DCHS2: variants seen among roughly 807,000 people sequenced by gnomAD.
DCHS2 encodes dachsous cadherin-related 2.
Under a neutral mutation model 182.4 loss-of-function variants are expected in DCHS2, and 142 were observed. The observed-to-expected ratio is 0.78, with a 90% CI of 0.68 to 0.89. The LOEUF (loss-of-function observed/expected upper bound fraction) is 0.89. Among genes scored for constraint, DCHS2 ranks in the 40% least tolerant of loss-of-function variants. The pLI is 0.00. For missense variants in DCHS2, 4,319 were observed against 4,198.6 expected (o/e 1.03, Z -0.79); for synonymous variants, 1,740 against 1,663.3 (o/e 1.05, Z -1.12).
At position 154,491,532 on chromosome 4, in the gene DCHS2, T is replaced by C. The variant is rs376501718; in HGVS notation, c.-177A>G. The C allele has an allele frequency of 7.0e-4, 978 of 1,393,704 alleles. 14 individuals are homozygous for C. In the South Asian group the frequency reaches 0.011, roughly 15 times the overall value. The allele number at this position is 1,393,704 out of a possible 1,614,324, so 86.3% of individuals were successfully genotyped here. On this transcript the variant is annotated 5_prime_UTR_variant, in exon 1 of 20. Transcript: ENST00000357232. ...ATCTGCAACTGGTGAAAGCGTCCTC[T>C]GCCTGCAGCTCACGCAGACAGGGAA...
At chr4:154,354,219 C>G (rs1398379500) in intron 3 of DCHS2, among the ~76,000 whole-genome samples, 1 of 152,214 alleles carries the variant, frequency 6.6e-6, no homozygotes, top group East Asian at 1.9e-4. Flanking sequence ...AGCCACTGCA[C>G]CCGGCTTGAA....
chr4:154,238,464 T>G (rs1578838510), intron 19 of DCHS2, among the ~76,000 whole-genome samples: 1 of 152,302 alleles, frequency 6.6e-6, no homozygotes, highest in East Asian at 1.9e-4. Flanking sequence ...GGGACATTGT[T>G]TTGCTACTTA....
intron 15 of DCHS2, among the ~76,000 whole-genome samples, chr4:154,258,099 AG>A (rs556934276): frequency 9.5e-4 from 145 of 152,206 alleles, no homozygotes; most frequent in Non-Finnish European, 1.6e-3. Context: ...AGACTGGAAA[AG>A]TGAATGTTCT....
At chr4:154,390,416 A>C (rs1181562577) in intron 1 of DCHS2, among the ~76,000 whole-genome samples, 1 of 151,920 alleles carries the variant, frequency 6.6e-6, no homozygotes, top group Non-Finnish European at 1.5e-5. Flanking sequence ...CTGTGGCCAA[A>C]GAATACATGG....
chr4:154,397,147 T>G (rs1731964729), intron 1 of DCHS2, among the ~76,000 whole-genome samples: 1 of 152,178 alleles, frequency 6.6e-6, no homozygotes, highest in Non-Finnish European at 1.5e-5. Flanking sequence ...AATCTAATTA[T>G]ACTAATTCTA....
chr4:154,398,103 T>A (rs1430307039), intron 1 of DCHS2, among the ~76,000 whole-genome samples: 1 of 152,230 alleles, frequency 6.6e-6, no homozygotes. Context: ...AAAAATCCCA[T>A]CTGGTACATG....
intron 1 of DCHS2, among the ~76,000 whole-genome samples, chr4:154,444,279 G>A (rs192663938): frequency 1.7e-4 from 26 of 152,172 alleles, no homozygotes; most frequent in African/African-American, 6.0e-4. Flanking sequence ...ATCCAACAAT[G>A]TATGCCTAGC....
Position 154,236,585 on chromosome 4 carries a change from T to A in DCHS2, c.8067A>T (p.Ala2689=). 1 of 1,614,068 alleles carries A rather than the reference T, an allele frequency of 6.2e-7. No homozygotes were observed. Among genetic ancestry groups the A allele is most frequent in the Admixed American group, 1.7e-5 (1 of 60,006 alleles). ...PLGSHITVVS[A]NDRDTGSHAE... ...CATGTGACCCTGTGTCACGGTCATT[T>A]GCTGAGACCACAGTGATGTGACTCC... Residue 2689 remains alanine, a synonymous_variant, in exon 20 of 20, where the codon GCA becomes GCT. Coordinates refer to ENST00000357232, the MANE Select transcript of DCHS2 (RefSeq NM_001358235.2).
chr4:154,486,906 C>T (rs967086875), intron 1 of DCHS2, among the ~76,000 whole-genome samples: 5 of 152,158 alleles, frequency 3.3e-5, no homozygotes, highest in African/African-American at 1.2e-4. Context: ...CAATACTTGG[C>T]AACCTGGAAA....
intron 1 of DCHS2, chr4:154,486,457 GT>G (rs1474489157): frequency 2.3e-6 from 3 of 1,304,322 alleles, no homozygotes; most frequent in Non-Finnish European, 3.0e-6. Flanking sequence ...GCAAGATTTT[GT>G]TTTTCCTGTA....
At chr4:154,316,889 C>T (rs1476615694) in intron 9 of DCHS2, among the ~76,000 whole-genome samples, 1 of 152,190 alleles carries the variant, frequency 6.6e-6, no homozygotes, top group East Asian at 1.9e-4. Context: ...CCACATAAGT[C>T]AGATGTAATA....
intron 1 of DCHS2, among the ~76,000 whole-genome samples, chr4:154,397,859 A>T (rs1424651913): frequency 6.6e-6 from 1 of 152,164 alleles, no homozygotes; most frequent in Non-Finnish European, 1.5e-5. Flanking sequence ...TCTTCCTCTC[A>T]TTCCCCCAAA....
intron 1 of DCHS2, among the ~76,000 whole-genome samples, chr4:154,383,782 G>A (rs893224363): frequency 1.3e-5 from 2 of 151,330 alleles, no homozygotes; most frequent in Non-Finnish European, 2.9e-5. Context: ...TAATTCCTCT[G>A]TCTACTCCTA....
chr4:154,231,928 A>T lies in DCHS2; in HGVS notation c.*2608T>A, dbSNP rs759630290. On this transcript the variant is annotated 3_prime_UTR_variant, in exon 20 of 20. Transcript: ENST00000357232. ...AGGAATCTGTTTTGGAAGCCAATTC[A>T]ATGATTACTACTAGGACATGGAATT... The T allele has an allele frequency of 8.5e-5, 13 of 152,112 alleles. No individual in the cohort carries two copies. Among genetic ancestry groups the T allele is most frequent in the Non-Finnish European group, 1.8e-4 (12 of 67,998 alleles). The allele number at this position is 152,112 out of a possible 1,614,324, so 9.4% of individuals were successfully genotyped here. A position where few individuals can be genotyped will look rare whatever the true frequency, so the allele number is the denominator to read the frequency against.
At chr4:154,293,793 T>G (rs1734781336) in intron 13 of DCHS2, among the ~76,000 whole-genome samples, 2 of 152,202 alleles carry the variant, frequency 1.3e-5, no homozygotes, top group African/African-American at 4.8e-5. Context: ...CTCTTCCAAA[T>G]TATCACTGGA....
chr4:154,315,854 A>AT lies in DCHS2; in HGVS notation c.5153dup (p.Asn1718LysfsTer2). 6.2e-7 allele frequency: 1 copy of AT among 1,614,006 alleles called. No homozygotes were observed. Among genetic ancestry groups the AT allele is most frequent in the Non-Finnish European group, 8.5e-7 (1 of 1,179,976 alleles). ...GCTGCTTAAATACTGGAGCTTCATC[A>AT]TTTACATCAAGAACAGTAACTGTCA... On this transcript the variant is annotated frameshift_variant, in exon 10 of 20. Transcript: ENST00000357232. LOFTEE classifies it high-confidence loss of function.
chr4:154,453,384 AATC>A (rs986098482), intron 1 of DCHS2, among the ~76,000 whole-genome samples: 3 of 151,672 alleles, frequency 2.0e-5, no homozygotes, highest in African/African-American at 7.3e-5. Flanking sequence ...ATATTTAGGA[AATC>A]ATAAAGATTT....
At chr4:154,368,461 G>T (rs1730494797) in intron 2 of DCHS2, among the ~76,000 whole-genome samples, 1 of 151,862 alleles carries the variant, frequency 6.6e-6, no homozygotes, top group Non-Finnish European at 1.5e-5. Flanking sequence ...CCTAAATCAG[G>T]CAGTGCTGTA....
intron 1 of DCHS2, among the ~76,000 whole-genome samples, chr4:154,419,242 T>C (rs936372566): frequency 3.3e-5 from 5 of 152,218 alleles, no homozygotes; most frequent in Admixed American, 6.5e-5. Context: ...TTTTGTGTGT[T>C]TATACAGAAA....
Sources: allele counts gnomAD v4.1 joint callset (sites outside exome capture counted in the v4.1 genomes callset), GRCh38; gene constraint gnomAD v4.1.1; transcripts MANE v1.5; gene names NCBI Gene and HGNC (gene_info 2026-07-23, HGNC 2026-07-21).